PARP4: variants seen among roughly 807,000 people sequenced by gnomAD.
The protein encoded by PARP4 is poly(ADP-ribose) polymerase family member 4.
In PARP4, 120 loss-of-function variants were observed where a neutral mutation model predicts 187.7. The observed-to-expected ratio is 0.64, with a 90% CI of 0.55 to 0.74. The LOEUF is 0.74. Ranked by LOEUF, PARP4 falls within the 30% of genes least tolerant of loss-of-function variation. PARP4 has a pLI of 0.00. For missense variants in PARP4, 1,836 were observed against 2,070.5 expected, an observed-to-expected ratio of 0.89 and a Z score of 2.20; for synonymous variants, 654 against 740.9, an observed-to-expected ratio of 0.88 and a Z score of 1.90.
Position 24,420,965 on chromosome 13 carries a change from T to G in PARP4, c.*154A>C, listed in dbSNP as rs1301995262. ...TTTCATTTTATTATTGCTTGTTAGT[T>G]GATTAAAGTAATTCTTCTTCCACTT... On this transcript the variant is annotated 3_prime_UTR_variant, in exon 34 of 34. Transcript: ENST00000381989. 1.1e-6 allele frequency: 1 copy of G among 924,170 alleles called. No homozygotes were observed. The highest frequency in any genetic ancestry group is 1.5e-6 in the Non-Finnish European group (1 of 679,474). 57.2% of individuals were successfully genotyped at this position (924,170 alleles called of 1,614,324 possible).
chr13:24,494,280 C>T (rs1452147434), intron 7 of PARP4, among the ~76,000 whole-genome samples: 2 of 152,158 alleles, frequency 1.3e-5, no homozygotes, highest in Non-Finnish European at 2.9e-5. Context: ...ACTGTAACCT[C>T]GAACTGCTGA....
At chr13:24,507,406 C>G (rs12867125) in intron 1 of PARP4, among the ~76,000 whole-genome samples, 32,297 of 152,204 alleles carry the variant, frequency 0.21, 3,801 homozygotes, top group South Asian at 0.41. Context: ...CACAGTGCCA[C>G]TGCCTCCCTG....
chr13:24,430,538 C>T (rs1482349745), intron 32 of PARP4, among the ~76,000 whole-genome samples: 88 of 151,036 alleles, frequency 5.8e-4, no homozygotes, highest in Non-Finnish European at 1.2e-3. Context: ...CCTGTAGTCC[C>T]AGCTACTCAG....
chr13:24,454,940 C>T (rs1871738915), intron 22 of PARP4, 77 bp downstream of exon 22: 3 of 1,228,108 alleles, frequency 2.4e-6, no homozygotes, highest in Non-Finnish European at 3.4e-6. Context: ...GGTCGGGTAC[C>T]CACAGTTGTC....
At chr13:24,426,790 G>A (rs1460765405) in intron 32 of PARP4, among the ~76,000 whole-genome samples, 192 bp from the exon 33 acceptor site, 2 of 150,876 alleles carry the variant, frequency 1.3e-5, no homozygotes, top group Non-Finnish European at 3.0e-5. Context: ...TACTCGGGAG[G>A]CTGAGGCAGG....
intron 15 of PARP4, among the ~76,000 whole-genome samples, chr13:24,474,501 CA>C (rs987623298): frequency 6.2e-4 from 94 of 150,882 alleles, no homozygotes; most frequent in Admixed American, 1.1e-3. Flanking sequence ...AGTGGGGCTA[CA>C]AAGCCCGGCC....
chr13:24,497,141 T>G lies in PARP4; in HGVS notation c.591+975A>C, dbSNP rs147108709. On this transcript the variant is annotated intron_variant, in intron 6 of 33. Transcript: ENST00000381989. ...TCAGGCATTAATTCTAAATTTATTTTTGTTTCATGATTGTTTTAGATTGGA... is the reference window on the plus strand; with the variant it reads ...TCAGGCATTAATTCTAAATTTATTTGTGTTTCATGATTGTTTTAGATTGGA... Among the ~76,000 whole-genome samples the G allele has an allele frequency of 1.6e-3, 237 of 152,318 alleles. 1 individual carries two copies. Among genetic ancestry groups the G allele is most frequent in the African/African-American group, 5.5e-3 (227 of 41,574 alleles).
intron 31 of PARP4, among the ~76,000 whole-genome samples, chr13:24,433,881 G>A (rs1870469221): frequency 6.6e-6 from 1 of 152,224 alleles, no homozygotes; most frequent in Non-Finnish European, 1.5e-5. Flanking sequence ...ACCAGCGATG[G>A]GGCCAAATCT....
In PARP4 at chr13:24,492,567, G is replaced by T. The variant is rs1166887936; in HGVS notation, c.907C>A (p.Leu303Ile). 1 of 1,613,964 alleles carries T rather than the reference G, an allele frequency of 6.2e-7. No homozygotes were observed. The highest frequency in any genetic ancestry group is 2.2e-5 in the East Asian group (1 of 44,876). The change falls in exon 9 of 34, where the codon CTA becomes ATA. Residue 303 changes from leucine to isoleucine, a missense_variant. Coordinates refer to ENST00000381989, the MANE Select transcript of PARP4 (RefSeq NM_006437.4). ...CCATTTTTCAGTGCTGCCTTTACTA[G>T]AAGGAGAATCCCCTCTGCCTTGCTC... is the stretch of plus-strand genomic sequence containing the variant. ...DVSKAEGILL[L>I]VKAALKNGET... is the part of the protein sequence containing the mutation.
intron 12 of PARP4, among the ~76,000 whole-genome samples, chr13:24,480,125 G>A (rs1322539595): frequency 4.6e-5 from 7 of 152,236 alleles, no homozygotes; most frequent in Non-Finnish European, 7.3e-5. Context: ...CACTCACCGC[G>A]AGGGTCCGCG....
At position 24,452,484 on chromosome 13, in the gene PARP4, T is replaced by A; in HGVS notation, c.2936A>T (p.His979Leu). Reference sequence around the variant, plus strand: ...TAATGTCAGGCTCTCATCCTGGAGGTGCCCATCAGACACCAGGAGGATGTT... The same window carrying A: ...TAATGTCAGGCTCTCATCCTGGAGGAGCCCATCAGACACCAGGAGGATGTT... ...SRNILLVSDG[H>L]LQDESLTLQL... Residue 979 changes from histidine (H) to leucine (L), a missense_variant, in exon 24 of 34, where the codon CAC (histidine) becomes CTC (leucine). Around this residue, in one of 8 missense-constraint regions of PARP4, gnomAD observed 1,147 missense variants for 1,214.2 expected, o/e 0.94. Coordinates refer to ENST00000381989, the MANE Select transcript of PARP4 (RefSeq NM_006437.4). 1 of 1,613,964 alleles carries A rather than the reference T, an allele frequency of 6.2e-7. No individual in the cohort carries two copies.
At chr13:24,474,338 A>G (rs565520770) in intron 15 of PARP4, among the ~76,000 whole-genome samples, 1 of 129,518 alleles carries the variant, frequency 7.7e-6, no homozygotes, top group African/African-American at 2.7e-5. Flanking sequence ...ATGTGATGTG[A>G]CGTTGGGCCT....
At chr13:24,445,442 A>G (rs1249784658) in intron 27 of PARP4, among the ~76,000 whole-genome samples, 2 of 151,970 alleles carry the variant, frequency 1.3e-5, no homozygotes, top group Non-Finnish European at 1.5e-5. Flanking sequence ...GGGAGAGTTA[A>G]TCACCAATGG....
chr13:24,466,776 G>A (rs1317896566), intron 17 of PARP4, among the ~76,000 whole-genome samples: 9 of 132,402 alleles, frequency 6.8e-5, no homozygotes, highest in African/African-American at 2.3e-4. Flanking sequence ...TCCAGCCTGG[G>A]CAACAGTGAG....
chr13:24,423,467 G>A (rs1869848465), intron 33 of PARP4, among the ~76,000 whole-genome samples: 1 of 151,592 alleles, frequency 6.6e-6, no homozygotes. Context: ...GGAGGTGGAG[G>A]TTGCAGTGAG....
chr13:24,433,937 C>A (rs1870470431), intron 31 of PARP4, among the ~76,000 whole-genome samples: 1 of 152,192 alleles, frequency 6.6e-6, no homozygotes, highest in Non-Finnish European at 1.5e-5. Flanking sequence ...AGCTCTAACA[C>A]AATATACATG....
At chr13:24,468,079 C>T (rs1872562747) in intron 17 of PARP4, among the ~76,000 whole-genome samples, 1 of 152,168 alleles carries the variant, frequency 6.6e-6, no homozygotes, top group African/African-American at 2.4e-5. Context: ...CCATGTGTCA[C>T]CCTCAGAGGC....
intron 10 of PARP4, among the ~76,000 whole-genome samples, chr13:24,489,854 C>T (rs1362678400): frequency 1.3e-5 from 2 of 152,166 alleles, no homozygotes; most frequent in African/African-American, 4.8e-5. Flanking sequence ...TGCTGATTTC[C>T]ATGGCGCAAA....
intron 27 of PARP4, among the ~76,000 whole-genome samples, chr13:24,444,808 G>A (rs1037510366): frequency 3.3e-5 from 5 of 150,472 alleles, no homozygotes; most frequent in East Asian, 2.0e-4. Context: ...CAGAGGAATC[G>A]TATGTCAGTG....
Sources: allele counts gnomAD v4.1 joint callset (sites outside exome capture counted in the v4.1 genomes callset), GRCh38; gene constraint gnomAD v4.1.1; regional missense constraint gnomAD v4.1.1; transcripts MANE v1.5; gene names NCBI Gene and HGNC (gene_info 2026-07-23, HGNC 2026-07-21).